ATL2: variants seen among roughly 807,000 people sequenced by gnomAD.
ATL2 encodes atlastin GTPase 2.
Under a neutral mutation model 73.9 loss-of-function variants are expected in ATL2, and 31 were observed. The observed-to-expected ratio is 0.42, with a 90% CI of 0.32 to 0.57. The LOEUF (loss-of-function observed/expected upper bound fraction) is 0.57. Among genes scored for constraint, ATL2 ranks in the 20% least tolerant of loss-of-function variants. ATL2 has a pLI of 0.14. For synonymous variants in ATL2, 291 were observed against 237.5 expected (o/e 1.23, Z -2.07); for missense variants, 738 against 702.6 (o/e 1.05, Z -0.57).
intron 9 of ATL2, 75 bp from the exon 10 acceptor site, chr2:38,300,403 T>C (rs1390161252): frequency 4.9e-6 from 5 of 1,020,510 alleles, no homozygotes; most frequent in Non-Finnish European, 6.0e-6. Context: ...AGAAAAGTCA[T>C]TAAATATAAA....
intron 1 of ATL2, among the ~76,000 whole-genome samples, chr2:38,345,919 G>T (rs1279150567): frequency 2.6e-5 from 4 of 152,316 alleles, no homozygotes; most frequent in Non-Finnish European, 4.4e-5. Flanking sequence ...AGGATTCAAT[G>T]AGTTGAAATA....
chr2:38,334,319 C>T (rs1170319113), intron 2 of ATL2, among the ~76,000 whole-genome samples: 1 of 151,856 alleles, frequency 6.6e-6, no homozygotes, highest in African/African-American at 2.4e-5. Context: ...CATGAGCCAC[C>T]GAGCCCAGCC....
At chr2:38,369,750 CTGATAA>C (rs1671558837) in intron 1 of ATL2, among the ~76,000 whole-genome samples, 1 of 151,976 alleles carries the variant, frequency 6.6e-6, no homozygotes, top group South Asian at 2.1e-4. Flanking sequence ...AATTAAAGTG[CTGATAA>C]AAAGAAAACA....
At chr2:38,354,819 G>T (rs1473609891) in intron 1 of ATL2, among the ~76,000 whole-genome samples, 1 of 152,084 alleles carries the variant, frequency 6.6e-6, no homozygotes, top group African/African-American at 2.4e-5. Flanking sequence ...TAACCCAGGA[G>T]GCGGAGGTTG....
At position 38,301,056 on chromosome 2, in the gene ATL2, C is replaced by T. The variant is rs539246128; in HGVS notation, c.1072-728G>A. The stretch of plus-strand genomic sequence containing the variant: ...CACGACCTCAGCTCACCACAACCTC[C>T]GCCTCCTGGGTTCAAGCAACTGTCC... On this transcript the variant is annotated intron_variant, in intron 9 of 12. Coordinates refer to ENST00000378954, the MANE Select transcript of ATL2 (RefSeq NM_001135673.4). 1.3e-3 allele frequency among the ~76,000 whole-genome samples: 192 copies of T among 151,752 alleles called. 4 individuals are homozygous for T. The highest frequency in any genetic ancestry group is 0.012 in the Admixed American group (187 of 15,268).
At position 38,325,245 on chromosome 2, in the gene ATL2, A is replaced by G. The variant is rs1385578391; in HGVS notation, c.364-6226T>C. Among the ~76,000 whole-genome samples the G allele has an allele frequency of 2.6e-5, 4 of 152,298 alleles. No individual in the cohort carries two copies. In the East Asian group the frequency reaches 5.8e-4, roughly 22 times the overall value. The stretch of plus-strand genomic sequence containing the variant: ...GAAAAGCTTAGCAAACTGAAAAATC[A>G]ATAAACTCTCCTTTCTTAGATCAAA... On this transcript the variant is annotated intron_variant, in intron 2 of 12. Coordinates refer to ENST00000378954, the MANE Select transcript of ATL2 (RefSeq NM_001135673.4).
intron 1 of ATL2, chr2:38,358,763 G>C (rs1027314790): frequency 6.4e-6 from 1 of 156,540 alleles, no homozygotes; most frequent in African/African-American, 2.4e-5. Context: ...AGCTAGTTTA[G>C]CTCTATTAAA....
intron 2 of ATL2, among the ~76,000 whole-genome samples, chr2:38,320,056 G>A (rs569208613): frequency 9.2e-5 from 14 of 152,220 alleles, no homozygotes; most frequent in East Asian, 3.9e-4. Flanking sequence ...GCAGTGAGCA[G>A]AGATCGCGCC....
intron 1 of ATL2, among the ~76,000 whole-genome samples, chr2:38,373,062 A>T (rs1182748865): frequency 2.6e-5 from 4 of 152,020 alleles, no homozygotes; most frequent in African/African-American, 4.8e-5. Flanking sequence ...AAAGTACTAC[A>T]AAACACTTGC....
chr2:38,306,170 T>C (rs1000267446), intron 9 of ATL2, among the ~76,000 whole-genome samples: 1 of 152,106 alleles, frequency 6.6e-6, no homozygotes, highest in Non-Finnish European at 1.5e-5. Context: ...CCTAGACATA[T>C]ACAACCTACC....
intron 2 of ATL2, among the ~76,000 whole-genome samples, chr2:38,324,173 G>C (rs1032740136): frequency 6.6e-6 from 1 of 152,190 alleles, no homozygotes; most frequent in African/African-American, 2.4e-5. Flanking sequence ...AGCTACTCGG[G>C]AGGCTGAGGC....
intron 9 of ATL2, among the ~76,000 whole-genome samples, chr2:38,305,534 G>C (rs552438422): frequency 6.6e-6 from 1 of 151,934 alleles, no homozygotes; most frequent in Non-Finnish European, 1.5e-5. Flanking sequence ...GGGCAAAACA[G>C]CGACACTTGG....
intron 2 of ATL2, among the ~76,000 whole-genome samples, chr2:38,327,724 T>G (rs899214183): frequency 1.3e-5 from 2 of 152,052 alleles, no homozygotes; most frequent in African/African-American, 4.8e-5. Flanking sequence ...TCACCTGAGG[T>G]CAGGAGTTCG....
At chr2:38,331,612 CAAAAAAA>C (rs35381890) in intron 2 of ATL2, among the ~76,000 whole-genome samples, 1 of 92,148 alleles carries the variant, frequency 1.1e-5, no homozygotes, top group Admixed American at 1.3e-4. Flanking sequence ...GACTCCATCT[CAAAAAAA>C]AAAAAAAAAA....
chr2:38,348,665 G>A (rs1670164035), intron 1 of ATL2, among the ~76,000 whole-genome samples: 1 of 149,460 alleles, frequency 6.7e-6, no homozygotes, highest in Non-Finnish European at 1.5e-5. Flanking sequence ...AGCCAAAATT[G>A]ACAAATGGTA....
chr2:38,331,010 G>C (rs1234465706), intron 2 of ATL2, among the ~76,000 whole-genome samples: 1 of 152,192 alleles, frequency 6.6e-6, no homozygotes, highest in East Asian at 1.9e-4. Flanking sequence ...ACTGGTATAA[G>C]AACAAGACAT....
intron 9 of ATL2, among the ~76,000 whole-genome samples, chr2:38,307,074 G>GT (rs1667487060): frequency 6.6e-6 from 1 of 152,032 alleles, no homozygotes; most frequent in Admixed American, 6.5e-5. Flanking sequence ...GAACACATTG[G>GT]TGGCCAGGTA....
Position 38,320,852 on chromosome 2 carries a change from A to G in ATL2, c.364-1833T>C, listed in dbSNP as rs566079598. 2.6e-5 allele frequency among the ~76,000 whole-genome samples: 4 copies of G among 152,258 alleles called. No individual in the cohort carries two copies. In the East Asian group the frequency reaches 7.7e-4, roughly 29 times the overall value. ...CAGTGGCAAAAACAAAAACAAAAAC[A>G]AAACAGTGTCAGCCAGGCACAGTGG... On this transcript the variant is annotated intron_variant, in intron 2 of 12. Transcript: ENST00000378954.
intron 4 of ATL2, among the ~76,000 whole-genome samples, chr2:38,317,238 C>T (rs1668072308): frequency 6.6e-6 from 1 of 152,064 alleles, no homozygotes; most frequent in South Asian, 2.1e-4. Flanking sequence ...GGATCACATA[C>T]CCATTTTAAA....
Sources: allele counts gnomAD v4.1 joint callset (sites outside exome capture counted in the v4.1 genomes callset), GRCh38; gene constraint gnomAD v4.1.1; transcripts MANE v1.5; gene names NCBI Gene and HGNC (gene_info 2026-07-23, HGNC 2026-07-21).